Variants in ADGRL1 observed in about 807,000 individuals in gnomAD.
ADGRL1 encodes CIRL-1.
In ADGRL1, 31 loss-of-function variants were observed where a neutral mutation model predicts 148.9. That is an observed-to-expected ratio of 0.21 (90% CI 0.16 to 0.28). ADGRL1 has a LOEUF of 0.28. Ranked by LOEUF, ADGRL1 falls within the 10% of genes least tolerant of loss-of-function variation. The pLI is 1.00. For synonymous variants in ADGRL1, 937 were observed against 900.3 expected, an observed-to-expected ratio of 1.04 and a Z score of -0.73; for missense variants, 1,521 against 2,058.8, an observed-to-expected ratio of 0.74 and a Z score of 5.05.
At chr19:14,200,408 T>TG (rs1462463155) in intron 1 of ADGRL1, among the ~76,000 whole-genome samples, 1 of 152,172 alleles carries the variant, frequency 6.6e-6, no homozygotes, top group African/African-American at 2.4e-5. Flanking sequence ...GGGGGCGTTC[T>TG]GGGGCAGGGT....
rs1972282372 is a variant in ADGRL1, at chr19:14,196,629, AAAC to A, written c.-96+9353_-96+9355del. Reference sequence around the variant, plus strand: ...AGCAAGACCCCATCTCAAAAACAAAAAACAAACAAGCCCTGTACAATGTGAAAC... The same window carrying A: ...AGCAAGACCCCATCTCAAAAACAAAAAAACAAGCCCTGTACAATGTGAAAC... On this transcript the variant is annotated intron_variant, in intron 1 of 22. Transcript: ENST00000361434. Among the ~76,000 whole-genome samples the A allele has an allele frequency of 2.6e-5, 4 of 152,094 alleles. No homozygotes were observed. In the South Asian group the frequency reaches 6.2e-4, roughly 24 times the overall value.
intron 2 of ADGRL1, among the ~76,000 whole-genome samples, chr19:14,180,750 T>C (rs2144995031): frequency 1.3e-5 from 2 of 152,206 alleles, no homozygotes; most frequent in Middle Eastern, 6.8e-3. Flanking sequence ...TGGGGGTACT[T>C]GCTATGTTGC....
intron 1 of ADGRL1, among the ~76,000 whole-genome samples, chr19:14,196,586 C>A (rs111371020): frequency 0.078 from 11,905 of 152,228 alleles, 622 homozygotes; most frequent in Non-Finnish European, 0.12. Context: ...TGCCACTGCA[C>A]TCTAGCTTGG....
At position 14,148,902 on chromosome 19, in the gene ADGRL1, C is replaced by G. The variant is rs1050107377; in HGVS notation, c.*1971G>C. 6.5e-6 allele frequency: 1 copy of G among 152,812 alleles called. No individual in the cohort carries two copies. The highest frequency in any genetic ancestry group is 1.5e-5 in the Non-Finnish European group (1 of 68,128). 9.5% of individuals were successfully genotyped at this position (152,812 alleles called of 1,614,324 possible). On this transcript the variant is annotated 3_prime_UTR_variant, in exon 23 of 23. Transcript: ENST00000361434. ...AGGGTCCCTCCAGCCACCTACCTGT[C>G]CCCTTCCCCCCAGTTCCTTCCTAGA...
chr19:14,157,849 C>T lies in ADGRL1; in HGVS notation c.2535+33G>A. The T allele has an allele frequency of 6.2e-7, 1 of 1,610,254 alleles. No individual in the cohort carries two copies. The highest frequency in any genetic ancestry group is 1.3e-5 in the African/African-American group (1 of 74,986). On this transcript the variant is annotated intron_variant, in intron 13 of 22. Transcript: ENST00000361434. The surrounding 1 kb of genome is among the most constrained non-coding windows in gnomAD (Gnocchi z 7.5). ...TGCAAAGCCAGGCCAGCAATCGGGC[C>T]TGCCTGGAGGAGCAGAGCACCAGCC...
chr19:14,166,987 G>C (rs1970035277), intron 4 of ADGRL1: 15 of 1,610,622 alleles, frequency 9.3e-6, no homozygotes, highest in Non-Finnish European at 1.3e-5. Context: ...GTGTGAGTTA[G>C]GGGTTAGCAT....
chr19:14,196,364 A>C (rs997212559), intron 1 of ADGRL1, among the ~76,000 whole-genome samples: 1 of 152,212 alleles, frequency 6.6e-6, no homozygotes, highest in African/African-American at 2.4e-5. Flanking sequence ...CACACCTGTA[A>C]TCCCAGCACT....
chr19:14,161,635 G>A lies in ADGRL1; in HGVS notation c.1196-9C>T. 7.1e-7 allele frequency: 1 copy of A among 1,399,800 alleles called. No homozygotes were observed. Among genetic ancestry groups the A allele is most frequent in the South Asian group, 1.7e-5 (1 of 60,070 alleles). The allele number at this position is 1,399,800 out of a possible 1,614,324, so 86.7% of individuals were successfully genotyped here. ...TGGGGAAGTGGCTGGGCCTGGAGAG[G>A]GGATACGAGACAGGGTCATCCCCAT... On this transcript the variant is annotated splice_polypyrimidine_tract_variant and intron_variant, in intron 5 of 22. Transcript: ENST00000361434. The surrounding 1 kb of genome is among the most constrained non-coding windows in gnomAD (Gnocchi z 4.4).
intron 4 of ADGRL1, 91 bp from the exon 5 acceptor site, chr19:14,163,497 A>AGAGAGAGAGG (rs1168521164): frequency 5.5e-6 from 4 of 720,768 alleles, no homozygotes; most frequent in African/African-American, 4.3e-5. Flanking sequence ...AGAGAGAGAG[A>AGAGAGAGAGG]GGGGGGAGAG....
At chr19:14,204,746 CAG>C (rs3837936) in intron 1 of ADGRL1, among the ~76,000 whole-genome samples, 6 of 143,700 alleles carry the variant, frequency 4.2e-5, no homozygotes, top group Non-Finnish European at 9.0e-5. Flanking sequence ...GAGAGACAGA[CAG>C]AGAGAGAGAG....
rs138840773 is a variant in ADGRL1, at chr19:14,159,465, G to A, written c.1959C>T (p.Gly653=). 8.7e-5 allele frequency: 140 copies of A among 1,613,182 alleles called. No individual in the cohort carries two copies. Among genetic ancestry groups the A allele is most frequent in the East Asian group, 4.7e-4 (21 of 44,866 alleles). ...ATMLLDVLEE[G]AFLLADNVRE... is the part of the protein sequence containing the mutation. Reference sequence around the variant, plus strand: ...TGACATTGTCGGCCAGCAGGAAGGCGCCCTCCTCCAGGACGTCGAGGAGCA... The same window carrying A: ...TGACATTGTCGGCCAGCAGGAAGGCACCCTCCTCCAGGACGTCGAGGAGCA... The change falls in exon 10 of 23, where the codon GGC becomes GGT. Residue 653 remains glycine, a synonymous_variant. Transcript: ENST00000361434. The surrounding 1 kb of genome is among the most constrained non-coding windows in gnomAD (Gnocchi z 6.0).
At position 14,158,119 on chromosome 19, in the gene ADGRL1, C is replaced by G. The variant is rs573925494; in HGVS notation, c.2365-67G>C. ...ACCGGGGAGTCCCATTCCGACCCCC[C>G]ACACCTGGCAACAGGGATGGTACCA... On this transcript the variant is annotated intron_variant, in intron 12 of 22. Transcript: ENST00000361434. 1.6e-5 allele frequency: 24 copies of G among 1,521,738 alleles called. No individual in the cohort carries two copies. In the East Asian group the frequency reaches 2.3e-4, roughly 14 times the overall value. The allele number at this position is 1,521,738 out of a possible 1,614,324, so 94.3% of individuals were successfully genotyped here.
chr19:14,182,198 T>C (rs957906159), intron 2 of ADGRL1, among the ~76,000 whole-genome samples: 1 of 151,984 alleles, frequency 6.6e-6, no homozygotes, highest in East Asian at 1.9e-4. Context: ...GGCTCCAGGG[T>C]GTTAATGTGT....
chr19:14,195,809 G>A (rs185318988), intron 1 of ADGRL1, among the ~76,000 whole-genome samples: 61 of 152,196 alleles, frequency 4.0e-4, no homozygotes, highest in South Asian at 2.5e-3. Context: ...GACCTACCTC[G>A]CAGAGACAGA....
intron 1 of ADGRL1, among the ~76,000 whole-genome samples, chr19:14,189,012 A>G (rs1971763560): frequency 6.6e-6 from 1 of 152,076 alleles, no homozygotes; most frequent in Admixed American, 6.6e-5. Flanking sequence ...TCGGCCTCCC[A>G]ACGTGTTGGG....
chr19:14,201,324 G>GT (rs565274033), intron 1 of ADGRL1, among the ~76,000 whole-genome samples: 4 of 137,608 alleles, frequency 2.9e-5, no homozygotes, highest in East Asian at 2.2e-4. Context: ...TGGCGGGGTG[G>GT]GGGGGGGCAA....
chr19:14,188,644 C>A (rs1416855763), intron 1 of ADGRL1, among the ~76,000 whole-genome samples: 1 of 152,180 alleles, frequency 6.6e-6, no homozygotes, highest in Admixed American at 6.5e-5. Flanking sequence ...TCCAGAACAC[C>A]CCAGTGTTGG....
intron 4 of ADGRL1, among the ~76,000 whole-genome samples, chr19:14,166,497 G>GC (rs1239501094): frequency 6.6e-6 from 1 of 152,000 alleles, no homozygotes; most frequent in Non-Finnish European, 1.5e-5. Context: ...CCTCCAGCCC[G>GC]CCTCCCATGA....
At position 14,156,940 on chromosome 19, in the gene ADGRL1, T is replaced by G; in HGVS notation, c.2951A>C (p.Tyr984Ser). 6.2e-7 allele frequency: 1 copy of G among 1,611,190 alleles called. No homozygotes were observed. Among genetic ancestry groups the G allele is most frequent in the Non-Finnish European group, 8.5e-7 (1 of 1,179,604 alleles). The change falls in exon 15 of 23, where the codon TAC becomes TCC. Residue 984 changes from tyrosine (Y) to serine (S), a missense_variant. Tyr to Ser is a moderately radical substitution (Grantham distance 144, BLOSUM62 -2). Transcript: ENST00000361434. ...GGAAACTCACGCCTTCTCGGTGCCG[T>G]AGCTGCGGTAGTCAATGGCAGCCGC... ...GIAAAIDYRS[Y>S]GTEKACWLRV... is the part of the protein sequence containing the mutation.
Sources: gnomAD v4.1 joint callset for allele counts (sites outside exome capture counted in the v4.1 genomes callset) on GRCh38, gnomAD v4.1.1 for gene constraint, Gnocchi (gnomAD v3.1) non-coding constraint, MANE v1.5 for transcripts, NCBI Gene and HGNC (gene_info 2026-07-23, HGNC 2026-07-21) for gene names.